Variants in AIDA observed in about 807,000 individuals in gnomAD.
The protein encoded by AIDA is axin interactor, dorsalization associated.
AIDA carries 18 observed loss-of-function variants against 42.7 expected under a neutral mutation model. The ratio of observed to expected loss-of-function variants is 0.42; its 90% CI spans 0.29 to 0.63. The LOEUF (loss-of-function observed/expected upper bound fraction) is 0.63. Ranked by LOEUF, AIDA falls within the 20% of genes least tolerant of loss-of-function variation. The pLI is 0.19. For missense variants in AIDA, 250 were observed against 354.1 expected, an observed-to-expected ratio of 0.71 and a Z score of 2.36; for synonymous variants, 104 against 122.9, an observed-to-expected ratio of 0.85 and a Z score of 1.02.
rs1413451707 is a variant in AIDA, at chr1:222,669,871, T to G, written c.*22A>C. On this transcript the variant is annotated 3_prime_UTR_variant, in exon 10 of 10. Coordinates refer to ENST00000340020, the MANE Select transcript of AIDA (RefSeq NM_022831.4). Reference sequence around the variant, plus strand: ...TACTGAGTGGTAAAATTCACAGAAGTTCCAGGTTCATCATGTCAGGATCAT... The same window carrying G: ...TACTGAGTGGTAAAATTCACAGAAGGTCCAGGTTCATCATGTCAGGATCAT... 6.2e-7 allele frequency: 1 copy of G among 1,602,982 alleles called. No individual in the cohort carries two copies. The highest frequency in any genetic ancestry group is 1.3e-5 in the African/African-American group (1 of 74,312).
chr1:222,685,868 A>C (rs974756335), intron 6 of AIDA, among the ~76,000 whole-genome samples: 2 of 152,224 alleles, frequency 1.3e-5, no homozygotes, highest in Non-Finnish European at 2.9e-5. Flanking sequence ...TTAATTAAAG[A>C]AGTACTTATG....
chr1:222,710,110 T>C (rs1434790786), intron 1 of AIDA, among the ~76,000 whole-genome samples: 1 of 152,160 alleles, frequency 6.6e-6, no homozygotes, highest in East Asian at 1.9e-4. Context: ...TGGCCCCCAA[T>C]TGGTCTATTT....
intron 7 of AIDA, 87 bp downstream of exon 7, chr1:222,676,009 G>A (rs201701359): frequency 6.8e-5 from 96 of 1,415,320 alleles, no homozygotes; most frequent in Middle Eastern, 2.7e-4. Context: ...AAGACTCCCC[G>A]CCCCACCACC....
chr1:222,710,033 C>T (rs1276295926), intron 1 of AIDA, among the ~76,000 whole-genome samples: 5 of 152,148 alleles, frequency 3.3e-5, no homozygotes, highest in Admixed American at 2.0e-4. Flanking sequence ...TAGACTCTTC[C>T]TCCTTCTACA....
At chr1:222,673,234 T>C in intron 8 of AIDA, 79 bp downstream of exon 8, 1 of 1,336,706 alleles carries the variant, frequency 7.5e-7, no homozygotes, top group Non-Finnish European at 1.0e-6. Flanking sequence ...CTAACTATGC[T>C]AGGTCCACCA....
At chr1:222,707,551 T>C (rs541562894) in intron 1 of AIDA, among the ~76,000 whole-genome samples, 3 of 151,060 alleles carry the variant, frequency 2.0e-5, no homozygotes, top group South Asian at 2.1e-4. Context: ...CCTGATTGTG[T>C]CCACTGAGAG....
intron 4 of AIDA, among the ~76,000 whole-genome samples, chr1:222,689,520 T>TATATATATATATATATAC (rs765351898): frequency 2.4e-4 from 14 of 58,100 alleles, no homozygotes; most frequent in East Asian, 4.4e-4. Context: ...TATATATATA[T>TATATATATATATATATAC]ACACACATAC....
At chr1:222,685,889 A>G (rs142697482) in intron 6 of AIDA, among the ~76,000 whole-genome samples, 5 of 152,278 alleles carry the variant, frequency 3.3e-5, no homozygotes, top group African/African-American at 1.2e-4. Flanking sequence ...GCCGGGCGCA[A>G]TGGCTCATGC....
chr1:222,706,594 T>C (rs1258482492), intron 1 of AIDA, among the ~76,000 whole-genome samples: 1 of 151,882 alleles, frequency 6.6e-6, no homozygotes, highest in Non-Finnish European at 1.5e-5. Context: ...ACACCCGGCA[T>C]GTGGTGGCTC....
At chr1:222,689,520 T>C (rs181818267) in intron 4 of AIDA, among the ~76,000 whole-genome samples, 14,241 of 57,900 alleles carry the variant, frequency 0.25, 2,371 homozygotes, top group Admixed American at 0.47. Flanking sequence ...TATATATATA[T>C]ACACACATAC....
intron 1 of AIDA, among the ~76,000 whole-genome samples, chr1:222,704,005 A>G (rs1655778501): frequency 6.6e-6 from 1 of 152,218 alleles, no homozygotes; most frequent in Admixed American, 6.5e-5. Flanking sequence ...ATAGTTCTCC[A>G]AAGAAGACAT....
chr1:222,699,467 G>A (rs866921069), intron 2 of AIDA, among the ~76,000 whole-genome samples: 4 of 152,054 alleles, frequency 2.6e-5, no homozygotes, highest in African/African-American at 4.8e-5. Flanking sequence ...GAAGGGAGAC[G>A]GAGACTTCCA....
intron 4 of AIDA, among the ~76,000 whole-genome samples, chr1:222,692,207 G>A (rs189768537): frequency 3.9e-5 from 6 of 152,236 alleles, no homozygotes; most frequent in African/African-American, 1.4e-4. Flanking sequence ...GGGGAGAGGT[G>A]AGTTTATAAT....
intron 2 of AIDA, among the ~76,000 whole-genome samples, chr1:222,701,644 G>A (rs1295461277): frequency 6.6e-6 from 1 of 151,858 alleles, no homozygotes; most frequent in Non-Finnish European, 1.5e-5. Context: ...TTATTTTCCA[G>A]GGCTAAAATC....
At chr1:222,685,808 A>G (rs1281508005) in intron 6 of AIDA, among the ~76,000 whole-genome samples, 2 of 152,184 alleles carry the variant, frequency 1.3e-5, no homozygotes, top group Non-Finnish European at 2.9e-5. Flanking sequence ...AGAAAGGGCA[A>G]TTGTTCAATA....
chr1:222,709,395 C>A (rs1655930720), intron 1 of AIDA, among the ~76,000 whole-genome samples: 1 of 152,096 alleles, frequency 6.6e-6, no homozygotes, highest in Non-Finnish European at 1.5e-5. Context: ...CGCGCCACTG[C>A]ACTCCAGCCT....
intron 4 of AIDA, among the ~76,000 whole-genome samples, chr1:222,689,831 C>T (rs1263247598): frequency 6.6e-6 from 1 of 151,700 alleles, no homozygotes; most frequent in Non-Finnish European, 1.5e-5. Context: ...CAATAATGTC[C>T]TAGGCCTTCA....
chr1:222,696,795 C>A (rs537612493), intron 2 of AIDA, among the ~76,000 whole-genome samples: 1 of 152,272 alleles, frequency 6.6e-6, no homozygotes, highest in South Asian at 2.1e-4. Flanking sequence ...GCATTACTTT[C>A]TTTTCCTTTC....
chr1:222,686,193 T>C (rs1233164637), intron 6 of AIDA, among the ~76,000 whole-genome samples: 1 of 152,074 alleles, frequency 6.6e-6, no homozygotes, highest in Non-Finnish European at 1.5e-5. Context: ...AAGAAGTACT[T>C]ATGACAGTCT....
Sources: allele counts gnomAD v4.1 joint callset (sites outside exome capture counted in the v4.1 genomes callset), GRCh38; gene constraint gnomAD v4.1.1; transcripts MANE v1.5; gene names NCBI Gene and HGNC (gene_info 2026-07-23, HGNC 2026-07-21).